The following OPCML variants were observed in gnomAD, a reference collection of about 807,000 sequenced individuals.
OPCML encodes the protein opioid binding protein/cell adhesion molecule like.
Under a neutral mutation model 37.8 loss-of-function variants are expected in OPCML, and 13 were observed. That is an observed-to-expected ratio of 0.34 (90% CI 0.22 to 0.55). The LOEUF is 0.55. Ranked by LOEUF, OPCML falls within the 20% of genes least tolerant of loss-of-function variation. OPCML has a pLI of 0.91. For missense variants in OPCML, 341 were observed against 435.6 expected (o/e 0.78, Z 1.93); for synonymous variants, 176 against 168.8 (o/e 1.04, Z -0.33).
At chr11:132,561,779 C>T (rs375980526) in intron 3 of OPCML, among the ~76,000 whole-genome samples, 7 of 152,202 alleles carry the variant, frequency 4.6e-5, no homozygotes, top group East Asian at 3.9e-4. Context: ...CAGTGGACAA[C>T]GATGGCACAG....
chr11:133,129,852 G>C (rs563627138), intron 1 of OPCML, among the ~76,000 whole-genome samples: 1 of 152,176 alleles, frequency 6.6e-6, no homozygotes, highest in South Asian at 2.1e-4. Context: ...AGGCTGTTGT[G>C]AGCCATGATC....
chr11:133,252,700 G>A (rs533460750), intron 1 of OPCML, among the ~76,000 whole-genome samples: 62 of 152,268 alleles, frequency 4.1e-4, no homozygotes, highest in African/African-American at 1.4e-3. Flanking sequence ...CCCAGTTAGA[G>A]CATGACAGCC....
intron 1 of OPCML, among the ~76,000 whole-genome samples, chr11:133,152,575 C>CA (rs1382531343): frequency 6.6e-6 from 1 of 151,898 alleles, no homozygotes; most frequent in Admixed American, 6.6e-5. Flanking sequence ...CCTGATCCCC[C>CA]CCCAACCTCC....
At chr11:133,445,914 G>A (rs549375816) in intron 1 of OPCML, among the ~76,000 whole-genome samples, 2 of 152,174 alleles carry the variant, frequency 1.3e-5, no homozygotes, top group South Asian at 2.1e-4. Flanking sequence ...GGAAGGGGGG[G>A]CTGCCAAGAC....
intron 1 of OPCML, chr11:133,298,729 C>G (rs190447345): frequency 1.3e-5 from 2 of 152,290 alleles, no homozygotes; most frequent in Admixed American, 6.5e-5. Flanking sequence ...GTACTAGACA[C>G]TTTGTTGTCT....
At chr11:133,475,219 TTGTTGTTTTTTTG>T (rs1010583980) in intron 1 of OPCML, among the ~76,000 whole-genome samples, 2 of 126,766 alleles carry the variant, frequency 1.6e-5, no homozygotes, top group African/African-American at 4.6e-5. Flanking sequence ...TGGTTTTTTT[TTGTTGTTTTTTTG>T]TTGTTGTTGT....
chr11:133,320,727 A>G (rs1016038995), intron 1 of OPCML, among the ~76,000 whole-genome samples: 2 of 152,224 alleles, frequency 1.3e-5, no homozygotes, highest in Non-Finnish European at 2.9e-5. Context: ...TTGCCAATGT[A>G]TAAATAAACA....
At chr11:133,299,845 A>G (rs1389479951) in intron 1 of OPCML, 3 of 152,140 alleles carry the variant, frequency 2.0e-5, no homozygotes, top group Non-Finnish European at 4.4e-5. Context: ...AGGGATCCCT[A>G]CCTAGAAAAA....
At chr11:133,063,325 C>G (rs1234070234) in intron 1 of OPCML, among the ~76,000 whole-genome samples, 1 of 152,102 alleles carries the variant, frequency 6.6e-6, no homozygotes, top group Non-Finnish European at 1.5e-5. Flanking sequence ...CCTTCTTAAA[C>G]CCAACAGACT....
chr11:132,846,448 G>A (rs1025862987), intron 2 of OPCML, among the ~76,000 whole-genome samples: 2 of 152,148 alleles, frequency 1.3e-5, no homozygotes, highest in African/African-American at 4.8e-5. Flanking sequence ...CTCTTTTTAT[G>A]CCTCCCTCAT....
rs370876515 is a variant in OPCML at position 132,931,749 on chromosome 11, C to T, written c.146+11177G>A. 5.3e-5 allele frequency among the ~76,000 whole-genome samples: 8 copies of T among 152,278 alleles called. No homozygotes were observed. The South Asian group carries it at 6.2e-4, about 12-fold the overall frequency. ...CTCTACCACTATGAAAACTGCGTGG[C>T]GTTTCCTCAAAAAAATTAAACATAC... On this transcript the variant is annotated intron_variant, in intron 2 of 7. Coordinates refer to ENST00000524381, the MANE Select transcript of OPCML (RefSeq NM_001012393.5).
intron 2 of OPCML, among the ~76,000 whole-genome samples, chr11:132,725,176 C>T (rs3884985): frequency 0.029 from 4,463 of 152,310 alleles, 145 homozygotes; most frequent in African/African-American, 0.081. Flanking sequence ...GAGCCCCACC[C>T]CTGCAGCAAA....
chr11:133,100,699 G>C (rs890751394), intron 1 of OPCML, among the ~76,000 whole-genome samples: 1 of 152,094 alleles, frequency 6.6e-6, no homozygotes, highest in African/African-American at 2.4e-5. Flanking sequence ...GAAGACCAAA[G>C]GCAATACAAT....
intron 2 of OPCML, among the ~76,000 whole-genome samples, chr11:132,672,441 A>G (rs1417335625): frequency 3.3e-5 from 5 of 152,174 alleles, no homozygotes; most frequent in Non-Finnish European, 7.4e-5. Flanking sequence ...TTCAAAGACC[A>G]TCTCCCACCT....
intron 1 of OPCML, chr11:133,006,757 C>A: frequency 1.0e-6 from 1 of 985,454 alleles, no homozygotes; most frequent in Non-Finnish European, 1.2e-6. Context: ...TAGACATTGG[C>A]CTGACAACGC....
intron 1 of OPCML, among the ~76,000 whole-genome samples, chr11:133,431,817 TAATA>T (rs995422247): frequency 3.4e-5 from 5 of 148,156 alleles, no homozygotes; most frequent in Non-Finnish European, 5.9e-5. Flanking sequence ...ATAATATATA[TAATA>T]AATATACATA....
chr11:133,235,912 T>C (rs953680865), intron 1 of OPCML, among the ~76,000 whole-genome samples: 1 of 152,232 alleles, frequency 6.6e-6, no homozygotes, highest in African/African-American at 2.4e-5. Flanking sequence ...AAGCACCTTC[T>C]GATTCGAATA....
chr11:132,715,917 C>T (rs964458975), intron 2 of OPCML, among the ~76,000 whole-genome samples: 14 of 152,048 alleles, frequency 9.2e-5, no homozygotes, highest in African/African-American at 2.7e-4. Flanking sequence ...GACCCACAGT[C>T]GATGCTCGAT....
At chr11:132,616,659 C>T (rs1248909596) in intron 3 of OPCML, among the ~76,000 whole-genome samples, 2 of 152,198 alleles carry the variant, frequency 1.3e-5, no homozygotes, top group Admixed American at 1.3e-4. Flanking sequence ...CATAGTCTAT[C>T]AATTGTTTCA....
Sources: gnomAD v4.1 joint callset for allele counts (sites outside exome capture counted in the v4.1 genomes callset) on GRCh38, gnomAD v4.1.1 for gene constraint, MANE v1.5 for transcripts, NCBI Gene and HGNC (gene_info 2026-07-23, HGNC 2026-07-21) for gene names.